The following CAPN8 variants were observed in gnomAD, a reference collection of about 807,000 sequenced individuals.
CAPN8 encodes the protein calpain 8.
In CAPN8, 87 loss-of-function variants were observed where a neutral mutation model predicts 80.9. The ratio of observed to expected loss-of-function variants is 1.07; its 90% CI spans 0.90 to 1.28. CAPN8 has a LOEUF of 1.28. Among genes scored for constraint, CAPN8 ranks in the 50% most tolerant of loss-of-function variants. CAPN8 has a pLI of 0.00. For synonymous variants in CAPN8, 299 were observed against 273.8 expected (o/e 1.09, Z -0.91); for missense variants, 757 against 702.0 (o/e 1.08, Z -0.89).
chr1:223,616,011 T>C lies in CAPN8; in HGVS notation c.1270A>G (p.Ile424Val), dbSNP rs1391898441. The C allele has an allele frequency of 4.5e-6, 7 of 1,552,178 alleles. No individual in the cohort carries two copies. In the African/African-American group the frequency reaches 6.8e-5, roughly 15 times the overall value. ...CCGATGCTAAGCATGCCTTGTCCTATCCGCTTCCGCCACCTGCGATTTTTC... is the reference window on the plus strand; with the variant it reads ...CCGATGCTAAGCATGCCTTGTCCTACCCGCTTCCGCCACCTGCGATTTTTC... Reference protein sequence around the residue: ...MQKNRRWRKRIGQGMLSIGYA... With the variant: ...MQKNRRWRKRVGQGMLSIGYA... The change falls in exon 10 of 21, where the codon ATA becomes GTA. Residue 424 changes from isoleucine (I) to valine (V), a missense_variant. Physicochemically the swap from Ile to Val is conservative, Grantham distance 29. Transcript: ENST00000366872.
At chr1:223,616,304 G>A (rs192334942) in intron 9 of CAPN8, among the ~76,000 whole-genome samples, 159 bp from the exon 10 acceptor site, 1 of 152,328 alleles carries the variant, frequency 6.6e-6, no homozygotes, top group East Asian at 1.9e-4. Flanking sequence ...TTACAAGGTG[G>A]TCAGGCATTT....
Position 223,628,752 on chromosome 1 carries a change from G to A in CAPN8, c.336C>T (p.Ala112=), listed in dbSNP as rs79844993. 4.4e-3 allele frequency: 6,884 copies of A among 1,554,400 alleles called. 256 individuals carry two copies. The African/African-American group carries it at 0.082, about 18-fold the overall frequency. The part of the protein sequence containing the change: ...LGDCWLLAAI[A]SLTLNEELLY... Reference sequence around the variant, plus strand: ...GCAGCTCTTCATTCAGGGTCAGGGAGGCAATGGCAGCCAGAAGCCAGCAGT... The same window carrying A: ...GCAGCTCTTCATTCAGGGTCAGGGAAGCAATGGCAGCCAGAAGCCAGCAGT... Residue 112 remains alanine (A), a synonymous_variant, in exon 3 of 21, where the codon GCC becomes GCT. Coordinates refer to ENST00000366872, the MANE Select transcript of CAPN8 (RefSeq NM_001143962.2).
Position 223,544,839 on chromosome 1 carries a change from C to T in CAPN8, c.1845G>A (p.Trp615Ter), listed in dbSNP as rs1217819898. 2.6e-6 allele frequency: 4 copies of T among 1,551,658 alleles called. No individual in the cohort carries two copies. Among genetic ancestry groups the T allele is most frequent in the Non-Finnish European group, 3.5e-6 (4 of 1,146,994 alleles). ...LKIQKYLEIY[W>*]ETDYNHSGTI... ...TGCCCGAGTGGTTATAATCAGTTTCCCAATAGATCTCCTAAAGCAGGAAAG... is the reference window on the plus strand; with the variant it reads ...TGCCCGAGTGGTTATAATCAGTTTCTCAATAGATCTCCTAAAGCAGGAAAG... Residue 615 changes from tryptophan to a stop codon, truncating the protein, a stop_gained, in exon 18 of 21, where the codon TGG becomes TGA. Transcript: ENST00000366872. LOFTEE classifies it high-confidence loss of function.
chr1:223,551,752 T>C (rs1370165548), intron 14 of CAPN8, among the ~76,000 whole-genome samples: 1 of 152,258 alleles, frequency 6.6e-6, no homozygotes, highest in Non-Finnish European at 1.5e-5. Flanking sequence ...TGCTGAACAC[T>C]GTATACATGC....
chr1:223,659,967 C>CAA (rs1327505523), intron 1 of CAPN8, among the ~76,000 whole-genome samples: 1 of 152,142 alleles, frequency 6.6e-6, no homozygotes, highest in Admixed American at 6.5e-5. Flanking sequence ...CAAAGCTCCA[C>CAA]AAAGACTCCT....
rs1441067903 is a variant in CAPN8, at chr1:223,620,185, C to T, written c.974+7G>A. On this transcript the variant is annotated splice_region_variant and intron_variant, in intron 8 of 20. Coordinates refer to ENST00000366872, the MANE Select transcript of CAPN8 (RefSeq NM_001143962.2). ...TGGGACAGCGCTTCAGCAGAAAACTCTCTCACCAGAATTCTCCATCCTCAA... is the reference window on the plus strand; with the variant it reads ...TGGGACAGCGCTTCAGCAGAAAACTTTCTCACCAGAATTCTCCATCCTCAA... The T allele has an allele frequency of 6.4e-7, 1 of 1,551,416 alleles. No individual in the cohort carries two copies. The highest frequency in any genetic ancestry group is 2.4e-5 in the East Asian group (1 of 40,912).
chr1:223,634,994 A>G (rs1157977150), intron 2 of CAPN8, among the ~76,000 whole-genome samples: 12 of 152,256 alleles, frequency 7.9e-5, no homozygotes, highest in Admixed American at 2.0e-4. Context: ...CCTCCCACTC[A>G]TGGTCCATGG....
At chr1:223,547,467 G>A (rs1401814308) in intron 16 of CAPN8, among the ~76,000 whole-genome samples, 1 of 152,158 alleles carries the variant, frequency 6.6e-6, no homozygotes, top group African/African-American at 2.4e-5. Context: ...GGAGGTTGGG[G>A]GAAATGGAGA....
At chr1:223,645,398 A>G (rs1282660776) in intron 2 of CAPN8, among the ~76,000 whole-genome samples, 2 of 152,154 alleles carry the variant, frequency 1.3e-5, no homozygotes, top group East Asian at 1.9e-4. Flanking sequence ...GTATCCTTCA[A>G]TCCAATCAAG....
intron 16 of CAPN8, among the ~76,000 whole-genome samples, chr1:223,548,332 T>C (rs34157106): frequency 0.18 from 26,905 of 152,126 alleles, 2,546 homozygotes; most frequent in Middle Eastern, 0.26. Flanking sequence ...TCACCCTCTG[T>C]GCCTTCACAC....
At chr1:223,542,520 T>G (rs1424947756) in intron 20 of CAPN8, among the ~76,000 whole-genome samples, 8 of 152,096 alleles carry the variant, frequency 5.3e-5, no homozygotes, top group Admixed American at 5.2e-4. Flanking sequence ...GGCCCTCTAG[T>G]TCCACCGCCT....
chr1:223,548,063 C>G (rs915915555), intron 16 of CAPN8, among the ~76,000 whole-genome samples: 1 of 152,178 alleles, frequency 6.6e-6, no homozygotes, highest in African/African-American at 2.4e-5. Flanking sequence ...GGCACACATG[C>G]TCTGTCATCC....
At chr1:223,626,909 C>T (rs1489659240) in intron 5 of CAPN8, 80 bp downstream of exon 5, 2 of 1,450,524 alleles carry the variant, frequency 1.4e-6, no homozygotes, top group African/African-American at 2.8e-5. Flanking sequence ...AGGCCTCTCT[C>T]CCGCTGTCTC....
chr1:223,549,959 C>A (rs1034431811), intron 15 of CAPN8, among the ~76,000 whole-genome samples: 1 of 152,168 alleles, frequency 6.6e-6, no homozygotes, highest in Non-Finnish European at 1.5e-5. Flanking sequence ...AGGTCACAAC[C>A]AGTAGGGGGC....
At chr1:223,544,385 A>T in intron 18 of CAPN8, 1 of 591,274 alleles carries the variant, frequency 1.7e-6, no homozygotes, top group South Asian at 2.0e-5. Flanking sequence ...CCTCACCAAG[A>T]TCAGCCTAAT....
intron 2 of CAPN8, among the ~76,000 whole-genome samples, chr1:223,640,676 C>T (rs1471144269): frequency 3.3e-5 from 5 of 152,120 alleles, no homozygotes; most frequent in African/African-American, 7.2e-5. Context: ...TTGCTGCCAT[C>T]GCCTCCACTC....
chr1:223,631,823 G>A (rs992703970), intron 2 of CAPN8, among the ~76,000 whole-genome samples: 1 of 152,154 alleles, frequency 6.6e-6, no homozygotes, highest in African/African-American at 2.4e-5. Flanking sequence ...CAGTCCTCTG[G>A]GGAGTGAAGG....
At chr1:223,544,982 A>G (rs1656581147) in intron 17 of CAPN8, 132 bp from the exon 18 acceptor site, 2 of 1,483,064 alleles carry the variant, frequency 1.3e-6, no homozygotes, top group Admixed American at 4.4e-5. Context: ...ACTCCTCCCA[A>G]GAAGGTTTCA....
intron 7 of CAPN8, 136 bp from the exon 8 acceptor site, chr1:223,620,402 A>AT: frequency 1.3e-6 from 1 of 745,892 alleles, no homozygotes; most frequent in Non-Finnish European, 2.3e-6. Context: ...GAAAGGCAGA[A>AT]TGGACAGTGT....
Sources: gnomAD v4.1 joint callset for allele counts (sites outside exome capture counted in the v4.1 genomes callset) on GRCh38, gnomAD v4.1.1 for gene constraint, MANE v1.5 for transcripts, NCBI Gene and HGNC (gene_info 2026-07-23, HGNC 2026-07-21) for gene names.